The following FBLN1 variants were observed in gnomAD, a reference collection of about 807,000 sequenced individuals.
The protein encoded by FBLN1 is fibulin 1, also known as fibulin-1.
FBLN1 carries 34 observed loss-of-function variants against 89.7 expected under a neutral mutation model. That is an observed-to-expected ratio of 0.38 (90% confidence interval 0.29 to 0.50). The LOEUF is 0.50. Among genes scored for constraint, FBLN1 ranks in the 20% least tolerant of loss-of-function variants. The pLI is 0.92. For missense variants in FBLN1, 777 were observed against 988.1 expected, an observed-to-expected ratio of 0.79 and a Z score of 2.86; for synonymous variants, 393 against 391.3, an observed-to-expected ratio of 1.00 and a Z score of -0.05.
At position 45,574,468 on chromosome 22, in the gene FBLN1, T is replaced by G. The variant is rs757388061; in HGVS notation, c.1698-43T>G. The G allele has an allele frequency of 1.2e-6, 2 of 1,612,934 alleles. No individual in the cohort carries two copies. Among genetic ancestry groups the G allele is most frequent in the African/African-American group, 2.7e-5 (2 of 74,894 alleles). ...ACCTCGGCCCCTGTGGGAGCTGCTG[T>G]CCCAGCTTCCCCGTCAGCCTCGTGT... On this transcript the variant is annotated intron_variant, in intron 14 of 16. Transcript: ENST00000327858. This position sits in a 1 kb window ranked among gnomAD's most constrained non-coding sequence, Gnocchi z 4.1.
intron 14 of FBLN1, among the ~76,000 whole-genome samples, chr22:45,560,511 A>G (rs945637479): frequency 6.6e-6 from 1 of 152,188 alleles, no homozygotes; most frequent in South Asian, 2.1e-4. Flanking sequence ...GCTTGCTCAC[A>G]GTGGGCCATC....
chr22:45,503,745 C>CGGGGACT (rs1166798151), intron 1 of FBLN1, among the ~76,000 whole-genome samples: 2 of 152,152 alleles, frequency 1.3e-5, no homozygotes, highest in Non-Finnish European at 2.9e-5. Context: ...CGGTGCTCAG[C>CGGGGACT]GGGGACTGGG....
chr22:45,586,334 C>G (rs1241139649), intron 16 of FBLN1, among the ~76,000 whole-genome samples: 1 of 152,214 alleles, frequency 6.6e-6, no homozygotes, highest in Non-Finnish European at 1.5e-5. Flanking sequence ...CAGGAGGAGA[C>G]AGCATGGTGG....
chr22:45,529,101 C>G (rs745905123), intron 4 of FBLN1, among the ~76,000 whole-genome samples: 5 of 152,338 alleles, frequency 3.3e-5, no homozygotes, highest in Middle Eastern at 3.4e-3. Context: ...GGGTGGCTGG[C>G]CTTGCTCCCA....
rs1238595336 is a variant in FBLN1 at position 45,597,582 on chromosome 22, C to T, written c.1973-2725C>T. Among the ~76,000 whole-genome samples the T allele has an allele frequency of 6.6e-6, 1 of 152,166 alleles. No individual in the cohort carries two copies. Among genetic ancestry groups the T allele is most frequent in the Non-Finnish European group, 1.5e-5 (1 of 68,028 alleles). On this transcript the variant is annotated intron_variant, in intron 16 of 16. Coordinates refer to ENST00000327858, the MANE Select transcript of FBLN1 (RefSeq NM_006486.3). The surrounding 1 kb of genome is among the most constrained non-coding windows in gnomAD (Gnocchi z 4.2). The stretch of plus-strand genomic sequence containing the variant: ...TTCAGCCCTGTAAGCCCACACTGAC[C>T]CTGGTGGGCAGACCCAGCCCAGGGA...
At chr22:45,540,965 C>T (rs933914224) in intron 8 of FBLN1, among the ~76,000 whole-genome samples, 5 of 152,230 alleles carry the variant, frequency 3.3e-5, no homozygotes, top group Non-Finnish European at 5.9e-5. Context: ...AGGCAGGTCC[C>T]GATTTGGCGC....
At chr22:45,526,312 C>T (rs1440589311) in intron 3 of FBLN1, among the ~76,000 whole-genome samples, 2 of 152,172 alleles carry the variant, frequency 1.3e-5, no homozygotes, top group Non-Finnish European at 2.9e-5. Context: ...GCAGGTCACT[C>T]AGGACCGCTA....
chr22:45,532,932 C>G lies in FBLN1; in HGVS notation c.545-131C>G, dbSNP rs1297158739. ...TCCCAGTAGGGCAGCAGGTGGGCTC[C>G]AGCCAGGTCAGCCTGCCTTCCTGGG... is the stretch of plus-strand genomic sequence containing the variant. On this transcript the variant is annotated intron_variant, in intron 5 of 16. Transcript: ENST00000327858. The surrounding 1 kb of genome is among the most constrained non-coding windows in gnomAD (Gnocchi z 4.2). The G allele has an allele frequency of 6.3e-6, 5 of 789,548 alleles. No individual in the cohort carries two copies. In the Admixed American group the frequency reaches 1.0e-4, roughly 16 times the overall value. 48.9% of individuals were successfully genotyped at this position (789,548 alleles called of 1,614,324 possible).
At chr22:45,548,532 GC>G in intron 12 of FBLN1, 80 bp from the exon 13 acceptor site, 1 of 1,589,670 alleles carries the variant, frequency 6.3e-7, no homozygotes, top group Non-Finnish European at 8.6e-7. Context: ...CCCCAGTGCA[GC>G]CCCCAGGGCG....
In FBLN1 at chr22:45,572,077, C is replaced by T. The variant is rs9614491; in HGVS notation, c.1698-2434C>T. Among the ~76,000 whole-genome samples, 65,806 of 151,782 alleles carry T rather than the reference C, an allele frequency of 0.43. 16,346 individuals are homozygous for T. Among genetic ancestry groups the T allele is most frequent in the Middle Eastern group, 0.6 (177 of 294 alleles). ...CCGGGAGGTGGAGGTTGCAGTGAGCCGATATCGCACCACAGCACTCCAGCC... is the reference window on the plus strand; with the variant it reads ...CCGGGAGGTGGAGGTTGCAGTGAGCTGATATCGCACCACAGCACTCCAGCC... On this transcript the variant is annotated intron_variant, in intron 14 of 16. Coordinates refer to ENST00000327858, the MANE Select transcript of FBLN1 (RefSeq NM_006486.3). The surrounding 1 kb of genome is among the most constrained non-coding windows in gnomAD (Gnocchi z 5.8).
At chr22:45,534,238 A>T (rs2088450974) in intron 7 of FBLN1, among the ~76,000 whole-genome samples, 2 of 146,994 alleles carry the variant, frequency 1.4e-5, no homozygotes, top group African/African-American at 5.0e-5. Context: ...TCAGTGCATG[A>T]CTATTTAAAA....
intron 14 of FBLN1, among the ~76,000 whole-genome samples, chr22:45,571,190 A>G (rs114270111): frequency 0.011 from 1,613 of 151,950 alleles, 31 homozygotes; most frequent in African/African-American, 0.036. Flanking sequence ...CAAAAACAGT[A>G]AGTGATTTAT....
rs1047361369 is a variant in FBLN1, at chr22:45,578,305, C to G, written c.1972+1197C>G. On this transcript the variant is annotated intron_variant, in intron 16 of 16. Transcript: ENST00000327858. This position sits in a 1 kb window ranked among gnomAD's most constrained non-coding sequence, Gnocchi z 4.6. ...CTTGCCAAAGAGCCATTTATAGCAC[C>G]TTTACAAGCTTTTAAATGGGTTTGC... The G allele has an allele frequency of 2.0e-5, 3 of 152,238 alleles. No homozygotes were observed. The highest frequency in any genetic ancestry group is 7.2e-5 in the African/African-American group (3 of 41,470). The allele number at this position is 152,238 out of a possible 1,614,324, so 9.4% of individuals were successfully genotyped here. A position where few individuals can be genotyped will look rare whatever the true frequency, so the allele number is the denominator to read the frequency against.
At chr22:45,513,696 T>C (rs1280420025) in intron 1 of FBLN1, among the ~76,000 whole-genome samples, 1 of 152,184 alleles carries the variant, frequency 6.6e-6, no homozygotes, top group Non-Finnish European at 1.5e-5. Flanking sequence ...CTCTGACAAA[T>C]TCCCTACAAA....
At position 45,562,678 on chromosome 22, in the gene FBLN1, CG is replaced by C. The variant is rs1219296814; in HGVS notation, c.1698-11831del. ...CACTCCGGGCACAGCCTTTGGCCCC[CG>C]GCCACCCAGCGCCCGAGATGGTGTT... is the stretch of plus-strand genomic sequence containing the variant. On this transcript the variant is annotated intron_variant, in intron 14 of 16. Coordinates refer to ENST00000327858, the MANE Select transcript of FBLN1 (RefSeq NM_006486.3). This position sits in a 1 kb window ranked among gnomAD's most constrained non-coding sequence, Gnocchi z 7.8. Among the ~76,000 whole-genome samples, 2 of 152,230 alleles carry C rather than the reference CG, an allele frequency of 1.3e-5. No individual in the cohort carries two copies. The highest frequency in any genetic ancestry group is 4.8e-5 in the African/African-American group (2 of 41,458).
chr22:45,553,457 C>T (rs1294867386), intron 14 of FBLN1, among the ~76,000 whole-genome samples: 1 of 152,216 alleles, frequency 6.6e-6, no homozygotes, highest in Non-Finnish European at 1.5e-5. Context: ...CGTCCCTGAC[C>T]TAGACACACT....
At chr22:45,593,314 C>T (rs748467272) in intron 16 of FBLN1, among the ~76,000 whole-genome samples, 1 of 152,140 alleles carries the variant, frequency 6.6e-6, no homozygotes, top group Non-Finnish European at 1.5e-5. Flanking sequence ...CCACTGCACC[C>T]GAGCACTTCG....
At position 45,579,315 on chromosome 22, in the gene FBLN1, G is replaced by T. The variant is rs1202437015; in HGVS notation, c.1972+2207G>T. On this transcript the variant is annotated intron_variant, in intron 16 of 16. Transcript: ENST00000327858. The surrounding 1 kb of genome is among the most constrained non-coding windows in gnomAD (Gnocchi z 5.5). ...GGAAACTGAGGCCCGGAAGGGCGAG[G>T]GGGCTTGCCAGTCTTCTTACAGTGA... Among the ~76,000 whole-genome samples the T allele has an allele frequency of 6.6e-6, 1 of 152,380 alleles. No homozygotes were observed. Among genetic ancestry groups the T allele is most frequent in the East Asian group, 1.9e-4 (1 of 5,190 alleles).
chr22:45,569,960 C>T (rs574841933), intron 14 of FBLN1, among the ~76,000 whole-genome samples: 3 of 152,230 alleles, frequency 2.0e-5, no homozygotes, highest in South Asian at 2.1e-4. Context: ...ACCAGAAAGA[C>T]GTGCCCAGAC....
Sources: gnomAD v4.1 joint callset for allele counts (sites outside exome capture counted in the v4.1 genomes callset) on GRCh38, gnomAD v4.1.1 for gene constraint, Gnocchi (gnomAD v3.1) non-coding constraint, MANE v1.5 for transcripts, NCBI Gene and HGNC (gene_info 2026-07-23, HGNC 2026-07-21) for gene names.